STARD13: variants seen among roughly 807,000 people sequenced by gnomAD.
STARD13 encodes StAR related lipid transfer domain containing 13, also known as stAR-related lipid transfer protein 13.
In STARD13, 62 loss-of-function variants were observed where a neutral mutation model predicts 106.4. The ratio of observed to expected loss-of-function variants is 0.58; its 90% confidence interval spans 0.48 to 0.72. The LOEUF is 0.72. STARD13 is among the 30% of genes least tolerant of loss of function. The probability of loss-of-function intolerance (pLI) is 0.00; values close to 1 mark genes in which losing one functional copy is unlikely to be tolerated. For missense variants in STARD13, 1,387 were observed against 1,424.0 expected (o/e 0.97, Z 0.42); for synonymous variants, 565 against 553.0 (o/e 1.02, Z -0.31).
intron 1 of STARD13, among the ~76,000 whole-genome samples, chr13:33,311,448 TGG>T (rs1893135103): frequency 6.6e-6 from 1 of 152,206 alleles, no homozygotes; most frequent in African/African-American, 2.4e-5. Context: ...AGGAAAGAAC[TGG>T]GTTCAAATCC....
chr13:33,194,591 C>T (rs919719149), intron 1 of STARD13, among the ~76,000 whole-genome samples: 1 of 152,028 alleles, frequency 6.6e-6, no homozygotes, highest in Non-Finnish European at 1.5e-5. Context: ...TTAATATAAA[C>T]TAGATGTAAT....
intron 1 of STARD13, among the ~76,000 whole-genome samples, chr13:33,171,792 A>C (rs143174268): frequency 2.6e-5 from 4 of 152,326 alleles, no homozygotes; most frequent in African/African-American, 9.6e-5. Flanking sequence ...GTGTGGTGCT[A>C]CCCGTGCTAT....
the STARD13 span, among the ~76,000 whole-genome samples, chr13:33,594,597 C>T: frequency 1.3e-5 from 2 of 152,102 alleles, no homozygotes; most frequent in East Asian, 1.9e-4. Flanking sequence ...CGTTGTTGTG[C>T]AATCATCACC....
In STARD13 at chr13:33,105,455, C is replaced by A; in HGVS notation, c.*138G>T. The stretch of plus-strand genomic sequence containing the variant: ...AATTCTTGCATCTCCAACATTCCAA[C>A]TTCTTAACGTTTCCATTTTTAGGCA... On this transcript the variant is annotated 3_prime_UTR_variant, in exon 14 of 14. Transcript: ENST00000336934. 1 of 629,286 alleles carries A rather than the reference C, an allele frequency of 1.6e-6. No homozygotes were observed. The allele number at this position is 629,286 out of a possible 1,614,324, so 39.0% of individuals were successfully genotyped here. A position where few individuals can be genotyped will look rare whatever the true frequency, so the allele number is the denominator to read the frequency against.
the STARD13 span, among the ~76,000 whole-genome samples, chr13:33,637,448 C>T: frequency 6.6e-6 from 1 of 152,170 alleles, no homozygotes; most frequent in African/African-American, 2.4e-5. Flanking sequence ...CAAAACTTGT[C>T]GTGAGAAGGA....
At chr13:33,575,801 C>G in the STARD13 span, among the ~76,000 whole-genome samples, 2 of 152,072 alleles carry the variant, frequency 1.3e-5, no homozygotes, top group African/African-American at 4.8e-5. Context: ...GAACTGTGAG[C>G]TAAATAAGCC....
chr13:33,168,039 T>C (rs536159485), intron 1 of STARD13, among the ~76,000 whole-genome samples: 1 of 152,116 alleles, frequency 6.6e-6, no homozygotes, highest in East Asian at 1.9e-4. Flanking sequence ...AAAATGTTTA[T>C]TCAACATTCC....
At chr13:33,232,627 G>A (rs1046491254) in intron 1 of STARD13, among the ~76,000 whole-genome samples, 1 of 152,122 alleles carries the variant, frequency 6.6e-6, no homozygotes, top group African/African-American at 2.4e-5. Flanking sequence ...AAACTTTGAC[G>A]ACGTGTATCT....
At chr13:33,108,015 G>T (rs1450003710) in intron 12 of STARD13, among the ~76,000 whole-genome samples, 1 of 152,202 alleles carries the variant, frequency 6.6e-6, no homozygotes, top group Non-Finnish European at 1.5e-5. Context: ...CCACACAAAT[G>T]CTCAGCGACT....
intron 1 of STARD13, among the ~76,000 whole-genome samples, chr13:33,218,860 C>T (rs1037162954): frequency 6.6e-6 from 1 of 152,112 alleles, no homozygotes; most frequent in Non-Finnish European, 1.5e-5. Context: ...GTGATAAATA[C>T]GAATTAGGTC....
chr13:33,217,193 C>T (rs1416698153), intron 1 of STARD13, among the ~76,000 whole-genome samples: 1 of 152,112 alleles, frequency 6.6e-6, no homozygotes, highest in Admixed American at 6.6e-5. Context: ...TGGCATGACA[C>T]CATATGACAC....
the STARD13 span, among the ~76,000 whole-genome samples, chr13:33,499,140 A>AAAAC: frequency 6.6e-6 from 1 of 152,188 alleles, no homozygotes; most frequent in South Asian, 2.1e-4. Context: ...TCTGTCTCAA[A>AAAAC]AAACAAACAA....
At chr13:33,309,107 C>T (rs1042544972) in intron 1 of STARD13, among the ~76,000 whole-genome samples, 4 of 152,184 alleles carry the variant, frequency 2.6e-5, no homozygotes, top group African/African-American at 7.2e-5. Context: ...TAATGAGAAA[C>T]ACTGGATGTG....
At chr13:33,480,081 A>C in the STARD13 span, among the ~76,000 whole-genome samples, 1 of 152,214 alleles carries the variant, frequency 6.6e-6, no homozygotes, top group South Asian at 2.1e-4. Flanking sequence ...AGGAATGTAT[A>C]GTGTATTATA....
the STARD13 span, among the ~76,000 whole-genome samples, chr13:33,582,799 T>G: frequency 4.5e-4 from 69 of 152,358 alleles, no homozygotes; most frequent in East Asian, 2.3e-3. Flanking sequence ...AATTTTCAAC[T>G]AAGCTATGGG....
At chr13:33,427,418 C>T in the STARD13 span, among the ~76,000 whole-genome samples, 7 of 152,182 alleles carry the variant, frequency 4.6e-5, no homozygotes, top group Admixed American at 2.0e-4. Flanking sequence ...AACCAATAAT[C>T]CCTACAAATA....
intron 1 of STARD13, among the ~76,000 whole-genome samples, chr13:33,232,552 A>C (rs1020794801): frequency 2.0e-5 from 3 of 152,190 alleles, no homozygotes; most frequent in African/African-American, 7.2e-5. Flanking sequence ...GTGAAAACAC[A>C]ATCACTCAAT....
chr13:33,307,204 G>A (rs148813251), intron 1 of STARD13, among the ~76,000 whole-genome samples: 236 of 152,292 alleles, frequency 1.5e-3, no homozygotes, highest in Middle Eastern at 3.4e-3. Context: ...TTACACGGTC[G>A]GTGGGGATGC....
At chr13:33,436,519 T>G in the STARD13 span, among the ~76,000 whole-genome samples, 1 of 152,220 alleles carries the variant, frequency 6.6e-6, no homozygotes, top group East Asian at 1.9e-4. Context: ...AAAAATAAAT[T>G]AATTTTTCAT....
Sources: gnomAD v4.1 joint callset for allele counts (sites outside exome capture counted in the v4.1 genomes callset) on GRCh38, gnomAD v4.1.1 for gene constraint, MANE v1.5 for transcripts, NCBI Gene and HGNC (gene_info 2026-07-23, HGNC 2026-07-21) for gene names.